ORM2: variants seen among roughly 807,000 people sequenced by gnomAD.
ORM2 encodes the protein alpha-1-acid glycoprotein 2.
Under a neutral mutation model 26.8 loss-of-function variants are expected in ORM2, and 19 were observed. That is an observed-to-expected ratio of 0.71 (90% CI 0.49 to 1.04). ORM2 has a LOEUF of 1.04. ORM2 is among the 50% of genes least tolerant of loss of function. The pLI, the probability that ORM2 is intolerant of heterozygous loss-of-function variation, is 0.00. For missense variants in ORM2, 259 were observed against 244.9 expected (o/e 1.06, Z -0.39); for synonymous variants, 94 against 100.0 (o/e 0.94, Z 0.36).
Position 114,331,584 on chromosome 9 carries a change from G to T in ORM2, c.346G>T (p.Val116Phe), listed in dbSNP as rs751600158. 2.4e-5 allele frequency: 38 copies of T among 1,613,874 alleles called. No individual in the cohort carries two copies. The highest frequency in any genetic ancestry group is 4.5e-5 in the East Asian group (2 of 44,866). The change falls in exon 4 of 6, where the codon GTT (valine) becomes TTT (phenylalanine). Residue 116 changes from valine (V) to phenylalanine (F), a missense_variant. Physicochemically the swap from Val to Phe is conservative, Grantham distance 50. Around this residue, in one of 2 missense-constraint regions of ORM2, gnomAD observed 251 missense variants for 220.5 expected, o/e 1.14. Coordinates refer to ENST00000431067, the MANE Select transcript of ORM2 (RefSeq NM_000608.4). ...TCTTCCAGAGGGAGGCCGAGAACAT[G>T]TTGCTCACCTGCTGTTCCTTAGGGA... The part of the protein sequence containing the change: ...VSRYEGGREH[V>F]AHLLFLRDTK...
rs1283956459 is a variant in ORM2, at chr9:114,330,556, T to C, written c.237T>C (p.Phe79=). Reference sequence around the variant, plus strand: ...CCAACAAGACAGAGGACACGATCTTTCTCAGAGAGTACCAGACCCGGTGAG... The same window carrying C: ...CCAACAAGACAGAGGACACGATCTTCCTCAGAGAGTACCAGACCCGGTGAG... ...FTPNKTEDTI[F]LREYQTRQNQ... The change falls in exon 2 of 6, where the codon TTT becomes TTC. Residue 79 remains phenylalanine (F), a synonymous_variant. Transcript: ENST00000431067. The C allele has an allele frequency of 1.9e-6, 3 of 1,612,904 alleles. No homozygotes were observed. The highest frequency in any genetic ancestry group is 1.7e-5 in the Admixed American group (1 of 59,990).
chr9:114,331,426 G>C lies in ORM2; in HGVS notation c.329-141G>C, dbSNP rs575855964. On this transcript the variant is annotated intron_variant, in intron 3 of 5. Transcript: ENST00000431067. Reference sequence around the variant, plus strand: ...TGGAGCTGGGCACGCAGCAGGGGCTGGGCACACGGTGGCCCAAAGGAGACC... The same window carrying C: ...TGGAGCTGGGCACGCAGCAGGGGCTCGGCACACGGTGGCCCAAAGGAGACC... 60 of 647,570 alleles carry C rather than the reference G, an allele frequency of 9.3e-5. 2 individuals carry two copies. In the South Asian group the frequency reaches 1.1e-3, roughly 12 times the overall value. The allele number at this position is 647,570 out of a possible 1,614,324, so 40.1% of individuals were successfully genotyped here.
intron 2 of ORM2, 41 bp from the exon 3 acceptor site, chr9:114,330,751 A>G (rs765109169): frequency 1.2e-6 from 2 of 1,607,988 alleles, no homozygotes; most frequent in Middle Eastern, 1.7e-4. Context: ...CTTCTCCTCG[A>G]TAACATTACT....
intron 5 of ORM2, 103 bp downstream of exon 5, chr9:114,332,032 G>C: frequency 1.0e-6 from 1 of 960,368 alleles, no homozygotes; most frequent in East Asian, 2.5e-5. Context: ...TGCACAGCTA[G>C]GCAGATCTTC....
Position 114,331,630 on chromosome 9 carries a change from G to C in ORM2, c.392G>C (p.Gly131Ala), listed in dbSNP as rs1181566219. The C allele has an allele frequency of 6.8e-6, 11 of 1,613,838 alleles. No homozygotes were observed. The highest frequency in any genetic ancestry group is 1.7e-5 in the Admixed American group (1 of 60,002). ...AGGGACACCAAGACCTTGATGTTTG[G>C]TTCCTACCTGGACGATGAGAAGAAC... ...FLRDTKTLMF[G>A]SYLDDEKNWG... The change falls in exon 4 of 6, where the codon GGT (glycine) becomes GCT (alanine). Residue 131 changes from glycine (G) to alanine (A), a missense_variant. Gly to Ala is a moderately conservative substitution (Grantham distance 60). Around this residue, in one of 2 missense-constraint regions of ORM2, gnomAD observed 251 missense variants for 220.5 expected, o/e 1.14. Transcript: ENST00000431067.
At chr9:114,331,185 GC>G (rs1829844355) in intron 3 of ORM2, among the ~76,000 whole-genome samples, 1 of 152,100 alleles carries the variant, frequency 6.6e-6, no homozygotes, top group African/African-American at 2.4e-5. Flanking sequence ...AATGGTAGAA[GC>G]CTGTATGTTG....
rs1237431036 is a variant in ORM2 at position 114,330,828 on chromosome 9, T to C, written c.294T>C (p.Asn98=). 1.2e-6 allele frequency: 2 copies of C among 1,613,980 alleles called. No individual in the cohort carries two copies. The highest frequency in any genetic ancestry group is 1.3e-5 in the African/African-American group (1 of 74,902). ...GCTTCTATAACTCCAGTTACCTGAA[T>C]GTCCAGCGGGAGAATGGGACCGTCT... is the stretch of plus-strand genomic sequence containing the variant. ...NQCFYNSSYL[N]VQRENGTVSR... is the part of the protein sequence containing the mutation. Residue 98 remains asparagine, a synonymous_variant, in exon 3 of 6, where the codon AAT becomes AAC. Transcript: ENST00000431067.
At chr9:114,331,008 A>C in intron 3 of ORM2, 146 bp downstream of exon 3, 2 of 650,518 alleles carry the variant, frequency 3.1e-6, no homozygotes, top group East Asian at 2.7e-5. Flanking sequence ...TGCTCAGAAA[A>C]AATCCCTAAG....
intron 3 of ORM2, 73 bp from the exon 4 acceptor site, chr9:114,331,494 G>A (rs1588925628): frequency 8.0e-7 from 1 of 1,242,572 alleles, no homozygotes; most frequent in Non-Finnish European, 1.2e-6. Context: ...ACACACCTAG[G>A]ACTCCTCACC....
In ORM2 at chr9:114,331,627, T is replaced by G. The variant is rs151073288; in HGVS notation, c.389T>G (p.Phe130Cys). The G allele has an allele frequency of 9.4e-5, 151 of 1,613,880 alleles. No individual in the cohort carries two copies. Among genetic ancestry groups the G allele is most frequent in the Non-Finnish European group, 1.2e-4 (140 of 1,180,024 alleles). Residue 130 changes from phenylalanine to cysteine, a missense_variant, in exon 4 of 6, where the codon TTT becomes TGT. Physicochemically the swap from Phe to Cys is radical, Grantham distance 205 (BLOSUM62 -2). Transcript: ENST00000431067. Reference protein sequence around the residue: ...LFLRDTKTLMFGSYLDDEKNW... With the variant: ...LFLRDTKTLMCGSYLDDEKNW... The stretch of plus-strand genomic sequence containing the variant: ...CTTAGGGACACCAAGACCTTGATGT[T>G]TGGTTCCTACCTGGACGATGAGAAG...
In ORM2 at chr9:114,331,813, G is replaced by T. The variant is rs993687627; in HGVS notation, c.437-13G>T. ...CACCATGTCCCCAGTCAGTCTCCTTGCTCCCCCTGCAGCTGACAAGCCAGA... is the reference window on the plus strand; with the variant it reads ...CACCATGTCCCCAGTCAGTCTCCTTTCTCCCCCTGCAGCTGACAAGCCAGA... On this transcript the variant is annotated splice_polypyrimidine_tract_variant and intron_variant, in intron 4 of 5. Transcript: ENST00000431067. The T allele has an allele frequency of 1.2e-6, 2 of 1,611,838 alleles. No homozygotes were observed. Among genetic ancestry groups the T allele is most frequent in the Non-Finnish European group, 1.7e-6 (2 of 1,178,756 alleles).
At position 114,331,879 on chromosome 9, in the gene ORM2, G is replaced by A. The variant is rs148221879; in HGVS notation, c.490G>A (p.Asp164Asn). Residue 164 changes from aspartate to asparagine, a missense_variant, in exon 5 of 6, where the codon GAC (aspartate) becomes AAC (asparagine). Physicochemically the swap from Asp to Asn is conservative, Grantham distance 23 (BLOSUM62 1). Around this residue, in one of 2 missense-constraint regions of ORM2, gnomAD observed 251 missense variants for 220.5 expected, o/e 1.14. Transcript: ENST00000431067. ...EQLGEFYEAL[D>N]CLCIPRSDVM... ...ACTGGGAGAGTTCTACGAAGCTCTC[G>A]ACTGCTTGTGCATTCCCAGGTCAGA... 1,014 of 1,613,836 alleles carry A rather than the reference G, an allele frequency of 6.3e-4. 17 individuals carry two copies. In the African/African-American group the frequency reaches 0.011, roughly 17 times the overall value.
At position 114,330,457 on chromosome 9, in the gene ORM2, C is replaced by G. The variant is rs553662717; in HGVS notation, c.138C>G (p.Ile46Met). 1.2e-6 allele frequency: 2 copies of G among 1,600,742 alleles called. No individual in the cohort carries two copies. Among genetic ancestry groups the G allele is most frequent in the South Asian group, 1.1e-5 (1 of 90,588 alleles). The change falls in exon 2 of 6, where the codon ATC (isoleucine) becomes ATG (methionine). Residue 46 changes from isoleucine to methionine, a missense_variant. Ile to Met is a conservative substitution (Grantham distance 10). Around this residue, in one of 2 missense-constraint regions of ORM2, gnomAD observed 251 missense variants for 220.5 expected, o/e 1.14. Transcript: ENST00000431067. ...LDRITGKWFY[I>M]ASAFRNEEYN... ...AGATCACTGGCAAGTGGTTTTATAT[C>G]GCATCGGCCTTTCGAAACGAGGAGT... is the stretch of plus-strand genomic sequence containing the variant.
At chr9:114,330,068 T>G (rs751837052) in intron 1 of ORM2, 50 bp downstream of exon 1, 1 of 1,610,632 alleles carries the variant, frequency 6.2e-7, no homozygotes, top group South Asian at 1.1e-5. Context: ...GCTGCCTCCC[T>G]TCTCTGGGCT....
chr9:114,331,512 C>A (rs1829850403), intron 3 of ORM2, 55 bp from the exon 4 acceptor site: 5 of 1,414,482 alleles, frequency 3.5e-6, no homozygotes, highest in Non-Finnish European at 5.0e-6. Context: ...ACCTGTAAGA[C>A]AGGCACCATT....
chr9:114,332,886 G>C (rs1173054868), intron 5 of ORM2, among the ~76,000 whole-genome samples, 183 bp from the exon 6 acceptor site: 3 of 152,172 alleles, frequency 2.0e-5, no homozygotes, highest in African/African-American at 7.2e-5. Context: ...AGTAAGCTGA[G>C]GTTCAGAGAC....
intron 5 of ORM2, among the ~76,000 whole-genome samples, chr9:114,332,759 T>A (rs1157487379): frequency 6.6e-6 from 1 of 152,304 alleles, no homozygotes; most frequent in East Asian, 1.9e-4. Flanking sequence ...TTACATCATC[T>A]GCATAGTAGT....
intron 3 of ORM2, among the ~76,000 whole-genome samples, 165 bp downstream of exon 3, chr9:114,331,027 G>A (rs1829842465): frequency 6.6e-6 from 1 of 152,018 alleles, no homozygotes; most frequent in Admixed American, 6.5e-5. Context: ...AGAAGACACT[G>A]AGAGAATTAG....
Position 114,331,645 on chromosome 9 carries a change from A to G in ORM2, c.407A>G (p.Asp136Gly), listed in dbSNP as rs1317553339. The change falls in exon 4 of 6, where the codon GAT becomes GGT. Residue 136 changes from aspartate to glycine, a missense_variant. By Grantham distance (94) the Asp-to-Gly change is moderately conservative. Around this residue, in one of 2 missense-constraint regions of ORM2, gnomAD observed 251 missense variants for 220.5 expected, o/e 1.14. Coordinates refer to ENST00000431067, the MANE Select transcript of ORM2 (RefSeq NM_000608.4). ...TTGATGTTTGGTTCCTACCTGGACG[A>G]TGAGAAGAACTGGGGGCTGTCTTTC... ...KTLMFGSYLD[D>G]EKNWGLSFYA... 1 of 1,613,852 alleles carries G rather than the reference A, an allele frequency of 6.2e-7. No individual in the cohort carries two copies. The highest frequency in any genetic ancestry group is 2.2e-5 in the East Asian group (1 of 44,860).
Sources: allele counts gnomAD v4.1 joint callset (sites outside exome capture counted in the v4.1 genomes callset), GRCh38; gene constraint gnomAD v4.1.1; regional missense constraint gnomAD v4.1.1; transcripts MANE v1.5; gene names NCBI Gene and HGNC (gene_info 2026-07-23, HGNC 2026-07-21).